ARHGAP12: variants seen among roughly 807,000 people sequenced by gnomAD.
ARHGAP12 encodes the protein rho GTPase-activating protein 12.
Under a neutral mutation model 108.6 loss-of-function variants are expected in ARHGAP12, and 64 were observed. The observed-to-expected ratio is 0.59, with a 90% CI of 0.48 to 0.73. The LOEUF (loss-of-function observed/expected upper bound fraction) is 0.73, where lower values mean the gene tolerates loss of function less well. ARHGAP12 is among the 30% of genes least tolerant of loss of function. The probability of loss-of-function intolerance (pLI) is 0.00; values close to 1 mark genes in which losing one functional copy is unlikely to be tolerated. For synonymous variants in ARHGAP12, 312 were observed against 337.2 expected (o/e 0.93, Z 0.82); for missense variants, 940 against 1,005.9 (o/e 0.93, Z 0.89).
At chr10:31,921,007 T>C (rs1383079098) in intron 1 of ARHGAP12, among the ~76,000 whole-genome samples, 1 of 152,160 alleles carries the variant, frequency 6.6e-6, no homozygotes, top group Non-Finnish European at 1.5e-5. Flanking sequence ...CTGGACAAGG[T>C]GGCTCACGCG....
chr10:31,869,038 A>G (rs1229620600), intron 3 of ARHGAP12, among the ~76,000 whole-genome samples: 1 of 152,236 alleles, frequency 6.6e-6, no homozygotes, highest in Non-Finnish European at 1.5e-5. Context: ...TTGTATTACA[A>G]AAACATAAAT....
At chr10:31,867,323 G>A (rs1837365300) in intron 3 of ARHGAP12, among the ~76,000 whole-genome samples, 1 of 152,030 alleles carries the variant, frequency 6.6e-6, no homozygotes, top group South Asian at 2.1e-4. Context: ...GAAATACTCT[G>A]ATCTCTGGCA....
chr10:31,924,166 T>C (rs1425376134), intron 1 of ARHGAP12, among the ~76,000 whole-genome samples: 1 of 152,188 alleles, frequency 6.6e-6, no homozygotes, highest in Non-Finnish European at 1.5e-5. Flanking sequence ...AAGTTAAACA[T>C]ACGCTTACTA....
At chr10:31,811,825 C>A (rs984452043) in intron 15 of ARHGAP12, among the ~76,000 whole-genome samples, 2 of 152,128 alleles carry the variant, frequency 1.3e-5, no homozygotes, top group Middle Eastern at 3.4e-3. Flanking sequence ...TGTGCCACCA[C>A]ACCCAACTAA....
In ARHGAP12 at chr10:31,852,573, C is replaced by T. The variant is rs1348233840; in HGVS notation, c.1114G>A (p.Gly372Ser). 7 of 1,612,922 alleles carry T rather than the reference C, an allele frequency of 4.3e-6. No homozygotes were observed. The highest frequency in any genetic ancestry group is 5.9e-6 in the Non-Finnish European group (7 of 1,179,332). ...TCTGCACTGTAGTAATATTGTCTAC[C>T]TTGATCATCAACATGCTTGAGCCAC... The part of the protein sequence containing the change: ...EKWLKHVDDQ[G>S]RQYYYSADGS... Residue 372 changes from glycine to serine, a missense_variant, in exon 6 of 20, where the codon GGT becomes AGT. Transcript: ENST00000344936.
intron 13 of ARHGAP12, among the ~76,000 whole-genome samples, chr10:31,816,650 T>G (rs1473963748): frequency 6.6e-6 from 1 of 152,208 alleles, no homozygotes; most frequent in African/African-American, 2.4e-5. Flanking sequence ...CGCTGAATTT[T>G]AATGAATCAC....
intron 7 of ARHGAP12, among the ~76,000 whole-genome samples, chr10:31,841,643 T>G (rs952799423): frequency 2.6e-5 from 4 of 152,154 alleles, no homozygotes; most frequent in African/African-American, 4.8e-5. Flanking sequence ...TCAGAGCACA[T>G]TTAAGGTAGG....
At position 31,809,014 on chromosome 10, in the gene ARHGAP12, T is replaced by C; in HGVS notation, c.2243A>G (p.Asn748Ser). 1.9e-6 allele frequency: 3 copies of C among 1,588,008 alleles called. No individual in the cohort carries two copies. The highest frequency in any genetic ancestry group is 1.1e-5 in the South Asian group (1 of 88,366). ...PEPLFTFNHFNDFVNAIKQEP... is the reference protein window; with the variant it reads ...PEPLFTFNHFSDFVNAIKQEP... ...CTTACTAATTGCATTAACAAAATCA[T>C]TAAAATGATTAAATGTAAAAAGAGG... is the stretch of plus-strand genomic sequence containing the variant. The change falls in exon 18 of 20, where the codon AAT becomes AGT. Residue 748 changes from asparagine (N) to serine (S), a missense_variant. Transcript: ENST00000344936.
chr10:31,915,563 C>G (rs758509020), intron 1 of ARHGAP12, among the ~76,000 whole-genome samples: 1 of 152,070 alleles, frequency 6.6e-6, no homozygotes, highest in African/African-American at 2.4e-5. Flanking sequence ...ATACTGTATT[C>G]TTGAAAACTG....
intron 3 of ARHGAP12, 127 bp from the exon 4 acceptor site, chr10:31,861,785 C>T: frequency 6.0e-6 from 5 of 837,594 alleles, no homozygotes; most frequent in Non-Finnish European, 8.7e-6. Context: ...TGAATATATT[C>T]TGAGGAAATA....
At chr10:31,921,227 C>A (rs1300994236) in intron 1 of ARHGAP12, among the ~76,000 whole-genome samples, 1 of 152,098 alleles carries the variant, frequency 6.6e-6, no homozygotes, top group Non-Finnish European at 1.5e-5. Context: ...GTCAAGGCTG[C>A]AGTTTGTGAC....
At chr10:31,874,437 T>C (rs1234017089) in intron 3 of ARHGAP12, among the ~76,000 whole-genome samples, 2 of 152,226 alleles carry the variant, frequency 1.3e-5, no homozygotes, top group Non-Finnish European at 2.9e-5. Flanking sequence ...GAGAAAGTCA[T>C]AGCACAGCTA....
At chr10:31,882,660 A>C (rs1838020679) in intron 3 of ARHGAP12, among the ~76,000 whole-genome samples, 1 of 151,942 alleles carries the variant, frequency 6.6e-6, no homozygotes, top group Non-Finnish European at 1.5e-5. Flanking sequence ...TAAAAATACA[A>C]AAACTACGTG....
At chr10:31,883,463 T>C (rs1838062829) in intron 3 of ARHGAP12, among the ~76,000 whole-genome samples, 1 of 152,232 alleles carries the variant, frequency 6.6e-6, no homozygotes, top group African/African-American at 2.4e-5. Context: ...TCACACTGCA[T>C]AACATGCTTG....
intron 3 of ARHGAP12, among the ~76,000 whole-genome samples, chr10:31,902,814 C>G (rs1838984516): frequency 6.6e-6 from 1 of 152,138 alleles, no homozygotes; most frequent in Non-Finnish European, 1.5e-5. Flanking sequence ...GGCCACAGTA[C>G]TCAGATATTT....
rs1835071552 is a variant in ARHGAP12 at position 31,812,839 on chromosome 10, C to T, written c.1835-16G>A. 7.0e-7 allele frequency: 1 copy of T among 1,423,640 alleles called. No homozygotes were observed. The highest frequency in any genetic ancestry group is 9.6e-7 in the Non-Finnish European group (1 of 1,040,574). The allele number at this position is 1,423,640 out of a possible 1,614,324, so 88.2% of individuals were successfully genotyped here. A position where few individuals can be genotyped will look rare whatever the true frequency, so the allele number is the denominator to read the frequency against. On this transcript the variant is annotated splice_polypyrimidine_tract_variant and intron_variant, in intron 14 of 19. Transcript: ENST00000344936. ...ACTTTAAAGGCTTAAGACAAAAAGACAGGTAATGAGCATTTGTAAAAATAA... is the reference window on the plus strand; with the variant it reads ...ACTTTAAAGGCTTAAGACAAAAAGATAGGTAATGAGCATTTGTAAAAATAA...
chr10:31,860,260 T>C (rs76108950), intron 4 of ARHGAP12, among the ~76,000 whole-genome samples: 172 of 152,332 alleles, frequency 1.1e-3, no homozygotes, highest in African/African-American at 3.8e-3. Context: ...TGTTCCCTGA[T>C]TTTTCTAGAT....
intron 9 of ARHGAP12, 78 bp downstream of exon 9, chr10:31,839,225 GCA>G: frequency 1.4e-6 from 2 of 1,406,970 alleles, no homozygotes; most frequent in Non-Finnish European, 2.0e-6. Flanking sequence ...TATTCATCTG[GCA>G]CAGACTTGGC....
chr10:31,820,086 T>C (rs11008663), intron 12 of ARHGAP12, among the ~76,000 whole-genome samples: 7,643 of 152,104 alleles, frequency 0.05, 640 homozygotes, highest in African/African-American at 0.17. Flanking sequence ...ACATTCCCCT[T>C]AATTTACTTT....
Sources: allele counts gnomAD v4.1 joint callset (sites outside exome capture counted in the v4.1 genomes callset), GRCh38; gene constraint gnomAD v4.1.1; transcripts MANE v1.5; gene names NCBI Gene and HGNC (gene_info 2026-07-23, HGNC 2026-07-21).